Variants in SLC7A11 observed in about 807,000 individuals in gnomAD.
The protein encoded by SLC7A11 is solute carrier family 7 member 11.
In SLC7A11, 35 loss-of-function variants were observed where a neutral mutation model predicts 54.5. The observed-to-expected ratio is 0.64, with a 90% CI of 0.49 to 0.85. SLC7A11 has a LOEUF of 0.85. SLC7A11 is among the 40% of genes least tolerant of loss of function. SLC7A11 has a pLI of 0.00. For synonymous variants in SLC7A11, 230 were observed against 225.2 expected, an observed-to-expected ratio of 1.02 and a Z score of -0.19; for missense variants, 583 against 618.1, an observed-to-expected ratio of 0.94 and a Z score of 0.60.
chr4:138,201,031 G>A (rs990972949), intron 6 of SLC7A11, among the ~76,000 whole-genome samples: 4 of 152,104 alleles, frequency 2.6e-5, no homozygotes, highest in African/African-American at 9.7e-5. Context: ...GAGATTCTTC[G>A]GAAGAGGTGG....
intron 6 of SLC7A11, among the ~76,000 whole-genome samples, chr4:138,208,426 A>G (rs1254399011): frequency 6.6e-6 from 1 of 152,076 alleles, no homozygotes; most frequent in Admixed American, 6.6e-5. Flanking sequence ...TCAACACAAG[A>G]TATGATTTAT....
rs1736391972 is a variant in SLC7A11 at position 138,170,286 on chromosome 4, A to G, written c.*1670T>C. The stretch of plus-strand genomic sequence containing the variant: ...TATATATATATACACACACACACAC[A>G]CACACACATACACACACATATATAT... On this transcript the variant is annotated 3_prime_UTR_variant, in exon 12 of 12. Transcript: ENST00000280612. 1.9e-5 allele frequency: 2 copies of G among 103,946 alleles called. No homozygotes were observed. Among genetic ancestry groups the G allele is most frequent in the Non-Finnish European group, 4.1e-5 (2 of 49,364 alleles). The allele number at this position is 103,946 out of a possible 1,614,324, so 6.4% of individuals were successfully genotyped here.
chr4:138,180,693 G>A lies in SLC7A11; in HGVS notation c.1214C>T (p.Ala405Val). ...TTTGTATCGAAGATAAATCAGCCCAGCAACTGCCAGCCCAATAAAAAGCCA... is the reference window on the plus strand; with the variant it reads ...TTTGTATCGAAGATAAATCAGCCCAACAACTGCCAGCCCAATAAAAAGCCA... ...ARWLFIGLAV[A>V]GLIYLRYKCP... Residue 405 changes from alanine to valine, a missense_variant, in exon 10 of 12, where the codon GCT becomes GTT. Transcript: ENST00000280612. The A allele has an allele frequency of 6.2e-7, 1 of 1,612,968 alleles. No individual in the cohort carries two copies. The highest frequency in any genetic ancestry group is 8.5e-7 in the Non-Finnish European group (1 of 1,179,398).
Position 138,169,934 on chromosome 4 carries a change from A to T in SLC7A11, c.*2022T>A, listed in dbSNP as rs1006337606. On this transcript the variant is annotated 3_prime_UTR_variant, in exon 12 of 12. Transcript: ENST00000280612. The stretch of plus-strand genomic sequence containing the variant: ...AAAGAAATGTCAGTCTTGGATATAT[A>T]TTAAATGTTTTCAAGAGCAAAATTG... 4 of 151,942 alleles carry T rather than the reference A, an allele frequency of 2.6e-5. No homozygotes were observed. Among genetic ancestry groups the T allele is most frequent in the Admixed American group, 1.3e-4 (2 of 15,240 alleles). 9.4% of individuals were successfully genotyped at this position (151,942 alleles called of 1,614,324 possible).
At chr4:138,182,257 T>G (rs2148413141) in intron 9 of SLC7A11, 40 bp downstream of exon 9, 1 of 1,280,106 alleles carries the variant, frequency 7.8e-7, no homozygotes, top group African/African-American at 1.5e-5. Context: ...TAACCTATTA[T>G]TCAAGGTTAT....
At chr4:138,202,144 G>A (rs1239141933) in intron 6 of SLC7A11, among the ~76,000 whole-genome samples, 2 of 151,994 alleles carry the variant, frequency 1.3e-5, no homozygotes, top group Non-Finnish European at 2.9e-5. Context: ...GACCACAGAG[G>A]CTACAGACCA....
intron 4 of SLC7A11, among the ~76,000 whole-genome samples, chr4:138,220,087 G>A (rs879543000): frequency 6.6e-5 from 10 of 151,976 alleles, no homozygotes; most frequent in South Asian, 2.1e-4. Flanking sequence ...TTACAGGAGC[G>A]CGCCATCATG....
chr4:138,170,250 GTATATATA>G lies in SLC7A11; in HGVS notation c.*1698_*1705del, dbSNP rs1176136985. ...ATATAAAAAGTGTGTGTGTGTGTGT[GTATATATA>G]TATATATATATATACACACACACAC... On this transcript the variant is annotated 3_prime_UTR_variant, in exon 12 of 12. Coordinates refer to ENST00000280612, the MANE Select transcript of SLC7A11 (RefSeq NM_014331.4). 1.6e-4 allele frequency: 12 copies of G among 74,108 alleles called. No homozygotes were observed. The highest frequency in any genetic ancestry group is 1.1e-3 in the Admixed American group (6 of 5,356). 4.6% of individuals were successfully genotyped at this position (74,108 alleles called of 1,614,324 possible).
chr4:138,195,747 C>T (rs185662706), intron 6 of SLC7A11, among the ~76,000 whole-genome samples: 40 of 152,260 alleles, frequency 2.6e-4, no homozygotes. Flanking sequence ...TGTATTCATA[C>T]TCACCAATTC....
At chr4:138,182,010 A>G (rs1383766727) in intron 9 of SLC7A11, among the ~76,000 whole-genome samples, 3 of 152,084 alleles carry the variant, frequency 2.0e-5, no homozygotes, top group Non-Finnish European at 4.4e-5. Context: ...GTGAGGTGCT[A>G]TGTCAATGAG....
chr4:138,190,853 A>T (rs1464983490), intron 6 of SLC7A11, among the ~76,000 whole-genome samples: 1 of 152,146 alleles, frequency 6.6e-6, no homozygotes, highest in African/African-American at 2.4e-5. Flanking sequence ...AAGAAAACAA[A>T]TAGTTTTCCA....
chr4:138,166,924 T>C lies in SLC7A11; in HGVS notation c.*5032A>G, dbSNP rs1454803016. The C allele has an allele frequency of 6.6e-6, 1 of 152,170 alleles. No individual in the cohort carries two copies. Among genetic ancestry groups the C allele is most frequent in the Non-Finnish European group, 1.5e-5 (1 of 68,026 alleles). The allele number at this position is 152,170 out of a possible 1,614,324, so 9.4% of individuals were successfully genotyped here. On this transcript the variant is annotated 3_prime_UTR_variant, in exon 12 of 12. Coordinates refer to ENST00000280612, the MANE Select transcript of SLC7A11 (RefSeq NM_014331.4). ...AGTTATCTCACGACATATGGAAAAT[T>C]GGTGAATTTCCTGTGAGACTATGAT...
At chr4:138,214,279 A>G (rs570715698) in intron 6 of SLC7A11, among the ~76,000 whole-genome samples, 4 of 152,108 alleles carry the variant, frequency 2.6e-5, no homozygotes, top group African/African-American at 9.6e-5. Context: ...AGTTATATGT[A>G]TGTGTTTATA....
intron 4 of SLC7A11, among the ~76,000 whole-genome samples, chr4:138,221,998 C>T (rs926946982): frequency 4.6e-5 from 7 of 152,226 alleles, no homozygotes; most frequent in East Asian, 3.9e-4. Flanking sequence ...ACATTCCTAA[C>T]GAATAAGATA....
chr4:138,193,714 G>A (rs1416400526), intron 6 of SLC7A11, among the ~76,000 whole-genome samples: 7 of 152,148 alleles, frequency 4.6e-5, no homozygotes, highest in Admixed American at 1.3e-4. Context: ...CAGGAGAATC[G>A]CTTGAACCCG....
At chr4:138,215,595 G>T (rs996026383) in intron 5 of SLC7A11, among the ~76,000 whole-genome samples, 1 of 152,058 alleles carries the variant, frequency 6.6e-6, no homozygotes, top group African/African-American at 2.4e-5. Flanking sequence ...AGCAACCAAA[G>T]ATTTTTCTAA....
At chr4:138,229,504 T>C (rs2148451065) in intron 3 of SLC7A11, among the ~76,000 whole-genome samples, 1 of 152,340 alleles carries the variant, frequency 6.6e-6, no homozygotes, top group Non-Finnish European at 1.5e-5. Context: ...TAAAAATGAA[T>C]GTAATAACTT....
In SLC7A11 at chr4:138,174,982, T is replaced by C. The variant is rs1736533667; in HGVS notation, c.1445-2965A>G. Among the ~76,000 whole-genome samples, 3 of 151,100 alleles carry C rather than the reference T, an allele frequency of 2.0e-5. No homozygotes were observed. The South Asian group carries it at 6.3e-4, about 32-fold the overall frequency. Reference sequence around the variant, plus strand: ...ATGTGGCACAAGGCCATTTTTTTTCTGGAAGTCTTCATAAGAATAATAGTA... The same window carrying C: ...ATGTGGCACAAGGCCATTTTTTTTCCGGAAGTCTTCATAAGAATAATAGTA... On this transcript the variant is annotated intron_variant, in intron 11 of 11. Transcript: ENST00000280612.
intron 1 of SLC7A11, among the ~76,000 whole-genome samples, chr4:138,241,384 T>C (rs927391913): frequency 6.6e-6 from 1 of 152,214 alleles, no homozygotes; most frequent in Admixed American, 6.5e-5. Context: ...CTCCGTTCTA[T>C]GTCTAAATAG....
Sources: allele counts gnomAD v4.1 joint callset (sites outside exome capture counted in the v4.1 genomes callset), GRCh38; gene constraint gnomAD v4.1.1; transcripts MANE v1.5; gene names NCBI Gene and HGNC (gene_info 2026-07-23, HGNC 2026-07-21).